The following ARHGEF12 variants were observed in gnomAD, a reference collection of about 807,000 sequenced individuals.
ARHGEF12 encodes the protein Rho guanine nucleotide exchange factor 12, also known as KMT2A/ARHGEF12 fusion protein.
Under a neutral mutation model 211.2 loss-of-function variants are expected in ARHGEF12, and 66 were observed. The ratio of observed to expected loss-of-function variants is 0.31; its 90% CI spans 0.26 to 0.38. The LOEUF is 0.38. Among genes scored for constraint, ARHGEF12 ranks in the 10% least tolerant of loss-of-function variants. ARHGEF12 has a pLI of 1.00. For missense variants in ARHGEF12, 1,429 were observed against 1,869.5 expected (o/e 0.76, Z 4.34); for synonymous variants, 592 against 638.4 (o/e 0.93, Z 1.09).
At chr11:120,412,042 C>T (rs1405997176) in intron 4 of ARHGEF12, among the ~76,000 whole-genome samples, 1 of 152,114 alleles carries the variant, frequency 6.6e-6, no homozygotes, top group African/African-American at 2.4e-5. Flanking sequence ...TTTTTTGTTA[C>T]ATTTCTGCCC....
chr11:120,427,077 C>T (rs1393898262), intron 7 of ARHGEF12, among the ~76,000 whole-genome samples: 1 of 151,892 alleles, frequency 6.6e-6, no homozygotes, highest in South Asian at 2.1e-4. Flanking sequence ...TGGGTTTCAC[C>T]ATGTTAGCAA....
Position 120,336,462 on chromosome 11 carries a change from C to T in ARHGEF12, c.-782C>T, listed in dbSNP as rs941140804. On this transcript the variant is annotated 5_prime_UTR_variant, in exon 1 of 41. Coordinates refer to ENST00000397843, the MANE Select transcript of ARHGEF12 (RefSeq NM_015313.3). ...CCGGGAGACGCCGCCGCCTCCGCCT[C>T]CCGGACCAGGGCTTCCAGGCCGGGC... is the stretch of plus-strand genomic sequence containing the variant. Among the ~76,000 whole-genome samples the T allele has an allele frequency of 5.3e-5, 8 of 151,822 alleles. No individual in the cohort carries two copies. The highest frequency in any genetic ancestry group is 1.9e-4 in the African/African-American group (8 of 41,410).
intron 38 of ARHGEF12, among the ~76,000 whole-genome samples, chr11:120,480,799 C>G (rs1383128040): frequency 6.6e-6 from 1 of 152,038 alleles, no homozygotes; most frequent in African/African-American, 2.4e-5. Context: ...TTAGGACCTC[C>G]GATGAGGTAG....
At chr11:120,427,999 A>C in intron 7 of ARHGEF12, 70 bp from the exon 8 acceptor site, 1 of 1,332,586 alleles carries the variant, frequency 7.5e-7, no homozygotes, top group East Asian at 2.5e-5. Flanking sequence ...TAAGTAGTAA[A>C]ATGGTATAAA....
Position 120,451,727 on chromosome 11 carries a change from G to C in ARHGEF12, c.2056+3G>C. On this transcript the variant is annotated splice_donor_region_variant and intron_variant, in intron 22 of 40. Coordinates refer to ENST00000397843, the MANE Select transcript of ARHGEF12 (RefSeq NM_015313.3). Reference sequence around the variant, plus strand: ...AGGAGGGAAAGAGAATGATACAGGTGAGCTATTACTGTAGTTCAGCTTAAC... The same window carrying C: ...AGGAGGGAAAGAGAATGATACAGGTCAGCTATTACTGTAGTTCAGCTTAAC... 6.2e-7 allele frequency: 1 copy of C among 1,612,162 alleles called. No homozygotes were observed. Among genetic ancestry groups the C allele is most frequent in the Non-Finnish European group, 8.5e-7 (1 of 1,178,816 alleles).
chr11:120,406,165 AT>A, intron 2 of ARHGEF12, 24 bp downstream of exon 2: 1 of 1,486,760 alleles, frequency 6.7e-7, no homozygotes, highest in Non-Finnish European at 9.0e-7. Context: ...ATTACACTTC[AT>A]ACTCAAGTTT....
chr11:120,407,905 A>T, intron 3 of ARHGEF12, 82 bp downstream of exon 3: 1 of 1,189,918 alleles, frequency 8.4e-7, no homozygotes, highest in Non-Finnish European at 1.2e-6. Context: ...CGAAACACTC[A>T]GGAATAGTTG....
intron 27 of ARHGEF12, 90 bp from the exon 28 acceptor site, chr11:120,465,147 T>G (rs1256904000): frequency 6.6e-6 from 10 of 1,519,420 alleles, no homozygotes; most frequent in Admixed American, 3.7e-5. Context: ...ACTTGAAATA[T>G]TGAAAGGATT....
intron 10 of ARHGEF12, among the ~76,000 whole-genome samples, chr11:120,430,105 T>C (rs936782658): frequency 5.9e-5 from 9 of 151,926 alleles, no homozygotes; most frequent in Non-Finnish European, 1.3e-4. Flanking sequence ...TACTAAAATG[T>C]ATTTAGATAT....
intron 39 of ARHGEF12, among the ~76,000 whole-genome samples, chr11:120,482,788 G>C (rs1239751775): frequency 6.6e-6 from 1 of 151,498 alleles, no homozygotes; most frequent in African/African-American, 2.4e-5. Context: ...ACAGCTTCCA[G>C]AGCCCAAACA....
Position 120,367,143 on chromosome 11 carries a change from A to G in ARHGEF12, c.32+29868A>G, listed in dbSNP as rs537911783. Among the ~76,000 whole-genome samples the G allele has an allele frequency of 3.3e-5, 5 of 152,292 alleles. No homozygotes were observed. In the South Asian group the frequency reaches 6.2e-4, roughly 19 times the overall value. On this transcript the variant is annotated intron_variant, in intron 1 of 40. Coordinates refer to ENST00000397843, the MANE Select transcript of ARHGEF12 (RefSeq NM_015313.3). ...TCTTTTGGTGCTTGCTTACTCAAGT[A>G]GGGATCACATAGCATGGGAAGGAAA...
chr11:120,342,956 C>G (rs1227669011), intron 1 of ARHGEF12, among the ~76,000 whole-genome samples: 2 of 152,106 alleles, frequency 1.3e-5, no homozygotes, highest in African/African-American at 4.8e-5. Context: ...AGTTCGTTAT[C>G]TTAAATTGTA....
intron 1 of ARHGEF12, among the ~76,000 whole-genome samples, chr11:120,369,854 G>GA (rs1943540552): frequency 6.6e-6 from 1 of 152,094 alleles, no homozygotes; most frequent in Admixed American, 6.5e-5. Context: ...CTTTTTGGGG[G>GA]ACGAGGCAAG....
chr11:120,367,656 G>A (rs1943467996), intron 1 of ARHGEF12, among the ~76,000 whole-genome samples: 1 of 150,844 alleles, frequency 6.6e-6, no homozygotes, highest in Admixed American at 6.6e-5. Context: ...GAGCCACCAC[G>A]CCCAGCCTAG....
chr11:120,474,704 G>T, intron 32 of ARHGEF12, 69 bp downstream of exon 32: 1 of 1,242,308 alleles, frequency 8.0e-7, no homozygotes, highest in Non-Finnish European at 1.1e-6. Flanking sequence ...AGTTTCCTAT[G>T]ACAAAGGGAA....
chr11:120,355,085 A>C (rs892395408), intron 1 of ARHGEF12, among the ~76,000 whole-genome samples: 3 of 152,256 alleles, frequency 2.0e-5, no homozygotes, highest in Non-Finnish European at 2.9e-5. Flanking sequence ...CGATATGACT[A>C]ATCTGGAGGA....
chr11:120,429,194 A>G (rs965908360), intron 8 of ARHGEF12, among the ~76,000 whole-genome samples: 4 of 152,208 alleles, frequency 2.6e-5, no homozygotes, highest in Non-Finnish European at 5.9e-5. Flanking sequence ...CATTTCTCCA[A>G]TATCAATATT....
At chr11:120,476,577 G>A in intron 33 of ARHGEF12, 84 bp from the exon 34 acceptor site, 3 of 851,866 alleles carry the variant, frequency 3.5e-6, no homozygotes, top group South Asian at 4.4e-5. Flanking sequence ...AGTTTAAGGG[G>A]CAGACTATTT....
At chr11:120,348,068 G>C (rs1942821476) in intron 1 of ARHGEF12, among the ~76,000 whole-genome samples, 1 of 152,084 alleles carries the variant, frequency 6.6e-6, no homozygotes, top group Non-Finnish European at 1.5e-5. Flanking sequence ...TATCCAGTTA[G>C]CTTTAGTTTT....
Sources: allele counts gnomAD v4.1 joint callset (sites outside exome capture counted in the v4.1 genomes callset), GRCh38; gene constraint gnomAD v4.1.1; transcripts MANE v1.5; gene names NCBI Gene and HGNC (gene_info 2026-07-23, HGNC 2026-07-21).